Variants in ATP8B3 observed in about 807,000 individuals in gnomAD.
ATP8B3 encodes the protein ATPase phospholipid transporting 8B3.
A neutral mutation model predicts 140.9 loss-of-function variants in ATP8B3; 141 were observed. That is an observed-to-expected ratio of 1.00 (90% CI 0.87 to 1.15). ATP8B3 has a LOEUF of 1.15. Ranked by LOEUF, ATP8B3 falls within the 50% of genes most tolerant of loss-of-function variation. ATP8B3 has a pLI of 0.00. For synonymous variants in ATP8B3, 765 were observed against 714.6 expected (o/e 1.07, Z -1.13); for missense variants, 1,874 against 1,740.6 (o/e 1.08, Z -1.36).
rs1210169714 is a variant in ATP8B3 at position 1,806,788 on chromosome 19, C to T, written c.616-99G>A. 8 of 1,340,172 alleles carry T rather than the reference C, an allele frequency of 6.0e-6. No individual in the cohort carries two copies. Among genetic ancestry groups the T allele is most frequent in the African/African-American group, 2.9e-5 (2 of 68,818 alleles). 83.0% of individuals were successfully genotyped at this position (1,340,172 alleles called of 1,614,324 possible). ...AGCCCAGCAGTGCCCGCCCGCAACA[C>T]GGGGTCCCTGTCCGCTGGCCCCACG... On this transcript the variant is annotated intron_variant, in intron 6 of 28. Coordinates refer to ENST00000310127, the MANE Select transcript of ATP8B3 (RefSeq NM_138813.4). The surrounding 1 kb of genome is among the most constrained non-coding windows in gnomAD (Gnocchi z 5.6).
At position 1,782,086 on chromosome 19, in the gene ATP8B3, G is replaced by A. The variant is rs1209363017; in HGVS notation, c.*942C>T. ...AGAGGGAGCCTGAATTAGCGCTGGG[G>A]TCAGATGGACCCTGGTTTATTAGAA... On this transcript the variant is annotated 3_prime_UTR_variant, in exon 29 of 29. Coordinates refer to ENST00000310127, the MANE Select transcript of ATP8B3 (RefSeq NM_138813.4). The A allele has an allele frequency of 5.9e-6, 1 of 169,238 alleles. No individual in the cohort carries two copies. Among genetic ancestry groups the A allele is most frequent in the Non-Finnish European group, 1.2e-5 (1 of 80,648 alleles). The allele number at this position is 169,238 out of a possible 1,614,324, so 10.5% of individuals were successfully genotyped here. A position where few individuals can be genotyped will look rare whatever the true frequency, so the allele number is the denominator to read the frequency against.
rs763808856 is a variant in ATP8B3, at chr19:1,807,361, G to A, written c.517-95C>T. The A allele has an allele frequency of 8.4e-6, 8 of 955,162 alleles. No individual in the cohort carries two copies. The highest frequency in any genetic ancestry group is 2.9e-5 in the South Asian group (2 of 69,236). The allele number at this position is 955,162 out of a possible 1,614,324, so 59.2% of individuals were successfully genotyped here. On this transcript the variant is annotated intron_variant, in intron 5 of 28. Coordinates refer to ENST00000310127, the MANE Select transcript of ATP8B3 (RefSeq NM_138813.4). This position sits in a 1 kb window ranked among gnomAD's most constrained non-coding sequence, Gnocchi z 5.9. ...GACCTAGCCCCGCACTCGACACCAC[G>A]TGACACATCTGCTGGCCACCTTGAC... is the stretch of plus-strand genomic sequence containing the variant.
chr19:1,793,408 C>T (rs1334349995), intron 18 of ATP8B3, among the ~76,000 whole-genome samples: 6 of 152,200 alleles, frequency 3.9e-5, no homozygotes, highest in East Asian at 1.9e-4. Flanking sequence ...GCCTGCATGG[C>T]GAATTCTGAC....
At chr19:1,801,866 CAGA>C (rs2068854068) in intron 12 of ATP8B3, 87 bp downstream of exon 12, 9 of 997,616 alleles carry the variant, frequency 9.0e-6, no homozygotes, top group Non-Finnish European at 1.2e-5. Context: ...GCACATTTTG[CAGA>C]AGAAGGAAAC....
chr19:1,811,397 C>A, intron 2 of ATP8B3, 92 bp downstream of exon 2: 2 of 1,485,948 alleles, frequency 1.3e-6, no homozygotes, highest in South Asian at 1.4e-5. Flanking sequence ...TAGACGCCAG[C>A]AACTGGCCCC....
At position 1,784,019 on chromosome 19, in the gene ATP8B3, G is replaced by A. The variant is rs1466817652; in HGVS notation, c.3661-749C>T. Among the ~76,000 whole-genome samples, 5 of 152,262 alleles carry A rather than the reference G, an allele frequency of 3.3e-5. No homozygotes were observed. In the South Asian group the frequency reaches 6.2e-4, roughly 19 times the overall value. On this transcript the variant is annotated intron_variant, in intron 28 of 28. Transcript: ENST00000310127. ...CTGGCCTTGAGCACATGTCCTCAAG[G>A]TGCATCCACGCTGTGGCCTGTGTCA...
intron 12 of ATP8B3, 73 bp downstream of exon 12, chr19:1,801,883 G>A (rs992482618): frequency 6.7e-6 from 8 of 1,190,742 alleles, no homozygotes; most frequent in Non-Finnish European, 9.9e-6. Context: ...AGGAAACTGA[G>A]GCCTGGAAGA....
intron 14 of ATP8B3, among the ~76,000 whole-genome samples, chr19:1,797,241 C>G (rs1239695016): frequency 2.6e-5 from 4 of 151,974 alleles, no homozygotes; most frequent in Admixed American, 1.3e-4. Flanking sequence ...CCAGGGACCC[C>G]AAAAGGACAG....
At chr19:1,786,619 T>C (rs1568617969) in intron 25 of ATP8B3, among the ~76,000 whole-genome samples, 1 of 150,764 alleles carries the variant, frequency 6.6e-6, no homozygotes, top group African/African-American at 2.4e-5. Context: ...TAAAATCCAG[T>C]CCCTGGGTCA....
Position 1,795,943 on chromosome 19 carries a change from C to T in ATP8B3, c.1987G>A (p.Asp663Asn), listed in dbSNP as rs758544372. 2.0e-5 allele frequency: 32 copies of T among 1,613,262 alleles called. No individual in the cohort carries two copies. Among genetic ancestry groups the T allele is most frequent in the South Asian group, 1.5e-4 (14 of 91,088 alleles). ...TGCAAGCGTTCGAAGATGACCGTGTCGGCGCCCTTGGTGTACAGGCAGATG... is the reference window on the plus strand; with the variant it reads ...TGCAAGCGTTCGAAGATGACCGTGTTGGCGCCCTTGGTGTACAGGCAGATG... ...GAICLYTKGADTVIFERLHRR... is the reference protein window; with the variant it reads ...GAICLYTKGANTVIFERLHRR... The change falls in exon 18 of 29, where the codon GAC (aspartate) becomes AAC (asparagine). Residue 663 changes from aspartate to asparagine, a missense_variant. Around this residue, in one of 3 missense-constraint regions of ATP8B3, gnomAD observed 1,032 missense variants for 963.6 expected, o/e 1.07. Transcript: ENST00000310127.
In ATP8B3 at chr19:1,785,651, C is replaced by G; in HGVS notation, c.3211G>C (p.Asp1071His). The change falls in exon 26 of 29, where the codon GAC becomes CAC. Residue 1071 changes from aspartate (D) to histidine (H), a missense_variant. By Grantham distance (81) the Asp-to-His change is moderately conservative (BLOSUM62 -1). Transcript: ENST00000310127. Reference sequence around the variant, plus strand: ...AAGACCCAGTAGTTGAAGAGCTCGTCCTTCTGCCCCACCACGTACAGCTCC... The same window carrying G: ...AAGACCCAGTAGTTGAAGAGCTCGTGCTTCTGCCCCACCACGTACAGCTCC... ...KPELYVVGQK[D>H]ELFNYWVFVQ... The G allele has an allele frequency of 1.9e-6, 3 of 1,613,188 alleles. No individual in the cohort carries two copies. The highest frequency in any genetic ancestry group is 2.5e-6 in the Non-Finnish European group (3 of 1,179,834).
rs2069017828 is a variant in ATP8B3 at position 1,806,323 on chromosome 19, C to G, written c.678-154G>C. 1 of 1,476,760 alleles carries G rather than the reference C, an allele frequency of 6.8e-7. No individual in the cohort carries two copies. Among genetic ancestry groups the G allele is most frequent in the South Asian group, 1.4e-5 (1 of 73,340 alleles). 91.5% of individuals were successfully genotyped at this position (1,476,760 alleles called of 1,614,324 possible). ...GGAAGCCTTCCCCGGGCTCCCACCC[C>G]ACTCCCCGCGGGTCCACGCTCCCAC... On this transcript the variant is annotated intron_variant, in intron 7 of 28. Transcript: ENST00000310127. The surrounding 1 kb of genome is among the most constrained non-coding windows in gnomAD (Gnocchi z 5.6).
rs536224394 is a variant in ATP8B3 at position 1,789,958 on chromosome 19, T to TA, written c.2409dup (p.Asn804Ter). 2.0e-5 allele frequency: 32 copies of TA among 1,612,124 alleles called. No individual in the cohort carries two copies. The East Asian group carries it at 5.4e-4, about 27-fold the overall frequency. ...AGGGACTCCCTGGTTAGAAGGTTGT[T>TA]ACTGTTTTCCCAGTAGGTCTCCAGG... On this transcript the variant is annotated frameshift_variant, in exon 22 of 29. Coordinates refer to ENST00000310127, the MANE Select transcript of ATP8B3 (RefSeq NM_138813.4). LOFTEE classifies it high-confidence loss of function.
At chr19:1,797,788 C>A (rs116345175) in intron 14 of ATP8B3, among the ~76,000 whole-genome samples, 1 of 151,836 alleles carries the variant, frequency 6.6e-6, no homozygotes, top group Non-Finnish European at 1.5e-5. Context: ...GCGTAGCCAC[C>A]GCACCCAGCC....
chr19:1,787,268 T>G lies in ATP8B3; in HGVS notation c.3070-82A>C, dbSNP rs926018226. ...CTGCCAAGCAGGCACCCAGGGAGGG[T>G]TCTGGGTGAGGTAACTCTGGTCGAG... On this transcript the variant is annotated intron_variant, in intron 24 of 28. Coordinates refer to ENST00000310127, the MANE Select transcript of ATP8B3 (RefSeq NM_138813.4). 5.7e-6 allele frequency: 7 copies of G among 1,236,464 alleles called. No individual in the cohort carries two copies. In the East Asian group the frequency reaches 7.6e-5, roughly 13 times the overall value. The allele number at this position is 1,236,464 out of a possible 1,614,324, so 76.6% of individuals were successfully genotyped here. A position where few individuals can be genotyped will look rare whatever the true frequency, so the allele number is the denominator to read the frequency against.
intron 10 of ATP8B3, among the ~76,000 whole-genome samples, chr19:1,803,161 C>T (rs1235752997): frequency 6.6e-6 from 1 of 152,148 alleles, no homozygotes; most frequent in Non-Finnish European, 1.5e-5. Context: ...CACCAGCCCC[C>T]CATTCACCAA....
intron 12 of ATP8B3, among the ~76,000 whole-genome samples, chr19:1,801,402 C>T (rs1156318822): frequency 1.3e-5 from 2 of 152,190 alleles, no homozygotes; most frequent in South Asian, 2.1e-4. Flanking sequence ...TCACCCACCT[C>T]GGCCCCAGAA....
intron 24 of ATP8B3, among the ~76,000 whole-genome samples, chr19:1,788,447 C>G (rs954950745): frequency 6.6e-6 from 1 of 152,004 alleles, no homozygotes; most frequent in Non-Finnish European, 1.5e-5. Flanking sequence ...GTCAGGAGTT[C>G]GAGACCAGCC....
At chr19:1,792,370 A>G (rs1359510829) in intron 18 of ATP8B3, among the ~76,000 whole-genome samples, 1 of 151,994 alleles carries the variant, frequency 6.6e-6, no homozygotes, top group African/African-American at 2.4e-5. Context: ...ATTTGAGGCC[A>G]GGAGTTTGAG....
Sources: allele counts gnomAD v4.1 joint callset (sites outside exome capture counted in the v4.1 genomes callset), GRCh38; gene constraint gnomAD v4.1.1; regional missense constraint gnomAD v4.1.1; non-coding constraint Gnocchi (gnomAD v3.1); transcripts MANE v1.5; gene names NCBI Gene and HGNC (gene_info 2026-07-23, HGNC 2026-07-21).